The following PTPRD variants were observed in gnomAD, a reference collection of about 807,000 sequenced individuals.
PTPRD encodes receptor-type tyrosine-protein phosphatase delta.
A neutral mutation model predicts 214.5 loss-of-function variants in PTPRD; 34 were observed. The observed-to-expected ratio is 0.16, with a 90% confidence interval of 0.12 to 0.21. The LOEUF (loss-of-function observed/expected upper bound fraction) is 0.21. Among genes scored for constraint, PTPRD ranks in the 10% least tolerant of loss-of-function variants. The pLI, the probability that PTPRD is intolerant of heterozygous loss-of-function variation, is 1.00. For missense variants in PTPRD, 2,545 were observed against 2,398.7 expected, an observed-to-expected ratio of 1.06 and a Z score of -1.27; for synonymous variants, 1,128 against 845.7, an observed-to-expected ratio of 1.33 and a Z score of -5.79.
intron 11 of PTPRD, among the ~76,000 whole-genome samples, chr9:8,931,958 T>G (rs192468616): frequency 3.9e-5 from 6 of 152,212 alleles, no homozygotes; most frequent in Non-Finnish European, 7.3e-5. Context: ...ATAGAGGTAT[T>G]TATAGTATTC....
chr9:9,215,701 C>T (rs370027366), intron 9 of PTPRD, among the ~76,000 whole-genome samples: 5 of 152,260 alleles, frequency 3.3e-5, no homozygotes, highest in African/African-American at 1.2e-4. Context: ...CTGGATTAAA[C>T]CCTGCTTTAC....
rs529536109 is a variant in PTPRD, at chr9:10,060,913, T to C, written c.-544-27123A>G. Reference sequence around the variant, plus strand: ...CCTTCCTTCCTTCTTTCTTTCTTTCTTTCTTTCTTTCTTTCTTTCTTTCTT... The same window carrying C: ...CCTTCCTTCCTTCTTTCTTTCTTTCCTTCTTTCTTTCTTTCTTTCTTTCTT... On this transcript the variant is annotated intron_variant, in intron 3 of 45. Coordinates refer to ENST00000381196, the MANE Select transcript of PTPRD (RefSeq NM_002839.4). Among the ~76,000 whole-genome samples, 28 of 119,074 alleles carry C rather than the reference T, an allele frequency of 2.4e-4. 3 individuals are homozygous for C. The highest frequency in any genetic ancestry group is 1.1e-3 in the African/African-American group (18 of 17,080). 78.1% of individuals were successfully genotyped at this position (119,074 alleles called of 152,430 possible).
intron 9 of PTPRD, among the ~76,000 whole-genome samples, chr9:9,311,386 A>G (rs1449093711): frequency 6.6e-6 from 1 of 152,198 alleles, no homozygotes; most frequent in Non-Finnish European, 1.5e-5. Flanking sequence ...ATTAACAACT[A>G]AACAAAAGAA....
At chr9:9,570,410 G>C (rs1165744712) in intron 8 of PTPRD, among the ~76,000 whole-genome samples, 1 of 151,420 alleles carries the variant, frequency 6.6e-6, no homozygotes, top group Non-Finnish European at 1.5e-5. Context: ...AATAAACTAA[G>C]CTAATTTAAC....
chr9:9,840,629 G>A (rs556826510), intron 5 of PTPRD, among the ~76,000 whole-genome samples: 58 of 151,956 alleles, frequency 3.8e-4, no homozygotes, highest in African/African-American at 1.4e-3. Flanking sequence ...TGGGCGTGGT[G>A]GCGCGTGCCT....
chr9:10,056,110 CA>C, intron 3 of PTPRD, among the ~76,000 whole-genome samples: 1 of 151,906 alleles, frequency 6.6e-6, no homozygotes, highest in Non-Finnish European at 1.5e-5. Context: ...ACCATGAGGT[CA>C]GGAGTTTGAG....
At chr9:9,559,086 T>C (rs1279589817) in intron 8 of PTPRD, among the ~76,000 whole-genome samples, 3 of 152,192 alleles carry the variant, frequency 2.0e-5, no homozygotes, top group Non-Finnish European at 4.4e-5. Flanking sequence ...GTAAGTCATC[T>C]GAATGATGAC....
At chr9:9,504,352 C>A (rs1422010289) in intron 8 of PTPRD, among the ~76,000 whole-genome samples, 3 of 151,542 alleles carry the variant, frequency 2.0e-5, no homozygotes, top group Non-Finnish European at 4.4e-5. Flanking sequence ...TTTCATAGTC[C>A]CATTGTTCTT....
At chr9:9,745,204 T>C (rs748570426) in intron 6 of PTPRD, among the ~76,000 whole-genome samples, 8 of 152,160 alleles carry the variant, frequency 5.3e-5, no homozygotes, top group Non-Finnish European at 8.8e-5. Context: ...CTTTTTCTTG[T>C]GCAATTTTTA....
At chr9:9,947,404 A>ATTAT (rs36196133) in intron 4 of PTPRD, among the ~76,000 whole-genome samples, 1 of 37,854 alleles carries the variant, frequency 2.6e-5, no homozygotes, top group African/African-American at 1.5e-4. Flanking sequence ...TATTATATAT[A>ATTAT]ATATATATTT....
At chr9:9,333,503 ATTATATAT>A (rs2043145731) in intron 9 of PTPRD, among the ~76,000 whole-genome samples, 1 of 103,518 alleles carries the variant, frequency 9.7e-6, no homozygotes, top group African/African-American at 4.9e-5. Context: ...TATATAGTAT[ATTATATAT>A]ATATATATAT....
intron 11 of PTPRD, among the ~76,000 whole-genome samples, chr9:9,012,810 A>C (rs2048856087): frequency 6.6e-6 from 1 of 152,202 alleles, no homozygotes; most frequent in Admixed American, 6.5e-5. Flanking sequence ...ATCCTGTAAC[A>C]TCAGGCAGAG....
At chr9:9,180,043 G>C (rs974420586) in intron 10 of PTPRD, among the ~76,000 whole-genome samples, 2 of 152,010 alleles carry the variant, frequency 1.3e-5, no homozygotes, top group African/African-American at 4.8e-5. Flanking sequence ...TAAGTATTTT[G>C]TGTTACATAA....
intron 8 of PTPRD, among the ~76,000 whole-genome samples, chr9:9,566,814 C>G (rs7853311): frequency 0.027 from 4,086 of 152,094 alleles, 188 homozygotes; most frequent in African/African-American, 0.092. Context: ...GCCTATCTTA[C>G]TTTCTTCTCA....
intron 9 of PTPRD, among the ~76,000 whole-genome samples, chr9:9,233,176 T>G (rs1021384860): frequency 6.6e-6 from 1 of 152,092 alleles, no homozygotes; most frequent in African/African-American, 2.4e-5. Context: ...TCCACAAAGC[T>G]GGCGAGGCCT....
At chr9:9,075,471 T>C (rs1416704008) in intron 10 of PTPRD, among the ~76,000 whole-genome samples, 2 of 152,214 alleles carry the variant, frequency 1.3e-5, no homozygotes, top group Non-Finnish European at 1.5e-5. Flanking sequence ...TGCAGGTTTG[T>C]TACATATGTA....
intron 9 of PTPRD, among the ~76,000 whole-genome samples, chr9:9,280,502 G>C (rs1431525888): frequency 1.3e-5 from 2 of 151,120 alleles, no homozygotes; most frequent in African/African-American, 4.8e-5. Context: ...AGTGGAATTT[G>C]AGATTGAAAA....
chr9:10,308,634 T>A (rs553535622), intron 3 of PTPRD, among the ~76,000 whole-genome samples: 1 of 152,200 alleles, frequency 6.6e-6, no homozygotes, highest in Admixed American at 6.6e-5. Flanking sequence ...GCATTGAATA[T>A]TTGCATTATT....
At chr9:8,815,804 G>A (rs569146423) in intron 11 of PTPRD, among the ~76,000 whole-genome samples, 1 of 152,186 alleles carries the variant, frequency 6.6e-6, no homozygotes, top group East Asian at 1.9e-4. Flanking sequence ...CTAAATCAAG[G>A]GGTGAAAATG....
Sources: gnomAD v4.1 joint callset for allele counts (sites outside exome capture counted in the v4.1 genomes callset) on GRCh38, gnomAD v4.1.1 for gene constraint, MANE v1.5 for transcripts, NCBI Gene and HGNC (gene_info 2026-07-23, HGNC 2026-07-21) for gene names.